Variants in KCNK10 observed in about 807,000 individuals in gnomAD.
KCNK10 encodes the protein potassium two pore domain channel subfamily K member 10.
Under a neutral mutation model 47.7 loss-of-function variants are expected in KCNK10, and 25 were observed. The ratio of observed to expected loss-of-function variants is 0.52; its 90% confidence interval spans 0.38 to 0.73. The LOEUF is 0.73. Ranked by LOEUF, KCNK10 falls within the 30% of genes least tolerant of loss-of-function variation. The pLI, the probability that KCNK10 is intolerant of heterozygous loss-of-function variation, is 0.00. For synonymous variants in KCNK10, 303 were observed against 285.6 expected (o/e 1.06, Z -0.61); for missense variants, 563 against 714.5 (o/e 0.79, Z 2.42).
intron 3 of KCNK10, among the ~76,000 whole-genome samples, chr14:88,229,427 G>A (rs574583907): frequency 5.5e-4 from 84 of 152,056 alleles, no homozygotes; most frequent in African/African-American, 2.0e-3. Flanking sequence ...CAAGGAAAAT[G>A]CAGGGAGAAA....
intron 2 of KCNK10, among the ~76,000 whole-genome samples, chr14:88,257,738 A>C (rs779525387): frequency 3.3e-5 from 5 of 152,222 alleles, no homozygotes; most frequent in Non-Finnish European, 5.9e-5. Context: ...GAAGGAGATA[A>C]ATAACCACAA....
At chr14:88,264,818 G>C (rs1887210695) in intron 1 of KCNK10, among the ~76,000 whole-genome samples, 1 of 152,304 alleles carries the variant, frequency 6.6e-6, no homozygotes, top group South Asian at 2.1e-4. Context: ...TCAGCAACCT[G>C]GGCATTATGT....
At chr14:88,303,257 T>C (rs1888139710) in intron 1 of KCNK10, among the ~76,000 whole-genome samples, 1 of 152,188 alleles carries the variant, frequency 6.6e-6, no homozygotes, top group South Asian at 2.1e-4. Context: ...CGTAACTCTC[T>C]TAACAGTCAA....
intron 4 of KCNK10, among the ~76,000 whole-genome samples, chr14:88,203,477 G>A (rs192789594): frequency 2.6e-5 from 4 of 152,358 alleles, no homozygotes; most frequent in Non-Finnish European, 5.9e-5. Flanking sequence ...AGCTCAATTG[G>A]ACACCCTGGA....
chr14:88,320,892 C>T (rs112442117), intron 1 of KCNK10, among the ~76,000 whole-genome samples: 1 of 152,334 alleles, frequency 6.6e-6, no homozygotes, highest in African/African-American at 2.4e-5. Flanking sequence ...CCACCTCCAA[C>T]AACACAGGGC....
chr14:88,250,625 G>T (rs144218949), intron 2 of KCNK10, among the ~76,000 whole-genome samples: 1 of 152,146 alleles, frequency 6.6e-6, no homozygotes, highest in Non-Finnish European at 1.5e-5. Context: ...TTTCCAACAC[G>T]CTGCTTTCCT....
At chr14:88,237,299 A>T (rs1253835557) in intron 3 of KCNK10, among the ~76,000 whole-genome samples, 3 of 152,168 alleles carry the variant, frequency 2.0e-5, no homozygotes, top group African/African-American at 7.2e-5. Context: ...ATTCCAACAC[A>T]TCAGCAGTGG....
chr14:88,252,643 C>G (rs10149676), intron 2 of KCNK10, among the ~76,000 whole-genome samples: 2,304 of 152,278 alleles, frequency 0.015, 57 homozygotes, highest in African/African-American at 0.053. Context: ...GACCACAGCA[C>G]AATACCCACT....
rs200255866 is a variant in KCNK10 at position 88,268,723 on chromosome 14, G to A, written c.53-5172C>T. 2.0e-4 allele frequency among the ~76,000 whole-genome samples: 30 copies of A among 152,306 alleles called. 1 individual carries two copies. The East Asian group carries it at 5.8e-3, about 29-fold the overall frequency. ...CTACAAAACGTATCAATAATGAATG[G>A]ATCTATAAAGTAATGGCCTATCACA... On this transcript the variant is annotated intron_variant, in intron 1 of 6. Transcript: ENST00000319231.
At position 88,242,094 on chromosome 14, in the gene KCNK10, G is replaced by A. The variant is rs569560496; in HGVS notation, c.403-1274C>T. ...ACTCTCTGTTCCTTGGGCAAACCTGGAATAACCCTATGTAGGGAGAGCAAG... is the reference window on the plus strand; with the variant it reads ...ACTCTCTGTTCCTTGGGCAAACCTGAAATAACCCTATGTAGGGAGAGCAAG... On this transcript the variant is annotated intron_variant, in intron 2 of 6. Coordinates refer to ENST00000319231, the MANE Select transcript of KCNK10 (RefSeq NM_138317.3). Among the ~76,000 whole-genome samples, 4 of 152,310 alleles carry A rather than the reference G, an allele frequency of 2.6e-5. No homozygotes were observed. The East Asian group carries it at 7.7e-4, about 29-fold the overall frequency.
intron 5 of KCNK10, among the ~76,000 whole-genome samples, chr14:88,188,499 T>C (rs1884644957): frequency 6.6e-6 from 1 of 152,226 alleles, no homozygotes; most frequent in Non-Finnish European, 1.5e-5. Context: ...AAATCAAATA[T>C]AATCATATCA....
intron 4 of KCNK10, among the ~76,000 whole-genome samples, chr14:88,220,416 CAAAAAAAAAAAAAAAAAAAAAAAAA>C (rs58562095): frequency 9.9e-5 from 3 of 30,162 alleles, no homozygotes; most frequent in South Asian, 6.0e-3. Context: ...GACTCCGTCT[CAAAAAAAAAAAAAAAAAAAAAAAAA>C]AAAAAAAAAA....
At chr14:88,255,969 G>A (rs920808946) in intron 2 of KCNK10, among the ~76,000 whole-genome samples, 18 of 152,200 alleles carry the variant, frequency 1.2e-4, no homozygotes, top group African/African-American at 3.9e-4. Flanking sequence ...TAAACAATCA[G>A]TAAGTGGTAG....
chr14:88,269,489 G>A (rs1322100175), intron 1 of KCNK10, among the ~76,000 whole-genome samples: 1 of 152,226 alleles, frequency 6.6e-6, no homozygotes, highest in Non-Finnish European at 1.5e-5. Context: ...TCAGGCTGAA[G>A]TGCAGTGGCA....
intron 2 of KCNK10, among the ~76,000 whole-genome samples, chr14:88,241,043 G>A (rs3742691): frequency 0.62 from 95,009 of 152,088 alleles, 30,228 homozygotes; most frequent in East Asian, 0.76. Flanking sequence ...AAACGCTAGG[G>A]TATAGAATAT....
At chr14:88,317,678 T>C (rs994492475) in intron 1 of KCNK10, among the ~76,000 whole-genome samples, 2 of 152,220 alleles carry the variant, frequency 1.3e-5, no homozygotes, top group African/African-American at 4.8e-5. Context: ...CATAAATCAT[T>C]TATCCTTTCT....
rs1355960114 is a variant in KCNK10, at chr14:88,240,757, GGCT to G, written c.463_465del (p.Ser155del). The G allele has an allele frequency of 1.1e-5, 18 of 1,613,768 alleles. No homozygotes were observed. The highest frequency in any genetic ancestry group is 2.2e-5 in the East Asian group (1 of 44,888). ...AAAAAGGCACTGCCGAGGTCCCAGT[GGCT>G]GCTGTTGTTGGAAGAGTTTCCTATT... On this transcript the variant is annotated inframe_deletion, in exon 3 of 7. Transcript: ENST00000319231.
chr14:88,180,199 T>C lies in KCNK10; in HGVS notation c.*5336A>G, dbSNP rs749591793. 2.0e-5 allele frequency: 3 copies of C among 152,384 alleles called. No individual in the cohort carries two copies. Among genetic ancestry groups the C allele is most frequent in the African/African-American group, 4.8e-5 (2 of 41,468 alleles). 9.4% of individuals were successfully genotyped at this position (152,384 alleles called of 1,614,324 possible). A position where few individuals can be genotyped will look rare whatever the true frequency, so the allele number is the denominator to read the frequency against. ...ATAAAGACAATAGCAGCACAGCTTA[T>C]TGAAATGTCACAAGCAAATTTGTTT... On this transcript the variant is annotated 3_prime_UTR_variant, in exon 7 of 7. Transcript: ENST00000319231.
intron 5 of KCNK10, among the ~76,000 whole-genome samples, chr14:88,191,827 G>T (rs1595071614): frequency 6.6e-6 from 1 of 152,172 alleles, no homozygotes; most frequent in East Asian, 1.9e-4. Context: ...GAACCTGCAG[G>T]TCACTGCAGA....
Sources: allele counts gnomAD v4.1 joint callset (sites outside exome capture counted in the v4.1 genomes callset), GRCh38; gene constraint gnomAD v4.1.1; transcripts MANE v1.5; gene names NCBI Gene and HGNC (gene_info 2026-07-23, HGNC 2026-07-21).